The following GABBR2 variants were observed in gnomAD, a reference collection of about 807,000 sequenced individuals.
GABBR2 encodes the protein gamma-aminobutyric acid type B receptor subunit 2, also known as G-protein coupled receptor 51.
In GABBR2, 23 loss-of-function variants were observed where a neutral mutation model predicts 105.6. The observed-to-expected ratio is 0.22, with a 90% CI of 0.16 to 0.31. The LOEUF (loss-of-function observed/expected upper bound fraction) is 0.31, where lower values mean the gene tolerates loss of function less well. GABBR2 is among the 10% of genes least tolerant of loss of function. The pLI, the probability that GABBR2 is intolerant of heterozygous loss-of-function variation, is 1.00. For missense variants in GABBR2, 734 were observed against 1,245.5 expected (o/e 0.59, Z 6.18); for synonymous variants, 478 against 499.7 (o/e 0.96, Z 0.58).
At chr9:98,307,862 C>T (rs971336970) in intron 14 of GABBR2, among the ~76,000 whole-genome samples, 6 of 152,150 alleles carry the variant, frequency 3.9e-5, no homozygotes, top group Non-Finnish European at 5.9e-5. Flanking sequence ...GATTGTTTTC[C>T]TCTCCCTTGT....
Position 98,310,963 on chromosome 9 carries a change from C to A in GABBR2, c.2004+132G>T, listed in dbSNP as rs1830626227. The A allele has an allele frequency of 6.7e-6, 4 of 600,860 alleles. No individual in the cohort carries two copies. The East Asian group carries it at 8.4e-5, about 13-fold the overall frequency. 37.2% of individuals were successfully genotyped at this position (600,860 alleles called of 1,614,324 possible). A position where few individuals can be genotyped will look rare whatever the true frequency, so the allele number is the denominator to read the frequency against. ...AGGAACTGAGATAGCATGTGGCAGG[C>A]ACTGAGTCCACAGAGAGTAACTGCT... On this transcript the variant is annotated intron_variant, in intron 14 of 18. Transcript: ENST00000259455.
chr9:98,539,098 G>A (rs1178887360), intron 3 of GABBR2, among the ~76,000 whole-genome samples: 1 of 152,236 alleles, frequency 6.6e-6, no homozygotes, highest in African/African-American at 2.4e-5. Context: ...GGACCATGTA[G>A]CGAGGACACA....
At chr9:98,533,496 T>C (rs1828109214) in intron 3 of GABBR2, among the ~76,000 whole-genome samples, 1 of 152,132 alleles carries the variant, frequency 6.6e-6, no homozygotes, top group Non-Finnish European at 1.5e-5. Flanking sequence ...AAGAACTGCA[T>C]TTGTCCCTAA....
chr9:98,369,471 C>T (rs7858926), intron 12 of GABBR2, among the ~76,000 whole-genome samples: 1 of 152,050 alleles, frequency 6.6e-6, no homozygotes, highest in Non-Finnish European at 1.5e-5. Context: ...AGAATCACAG[C>T]TAAGGGGACA....
At chr9:98,392,443 T>C (rs967439364) in intron 9 of GABBR2, among the ~76,000 whole-genome samples, 3 of 152,214 alleles carry the variant, frequency 2.0e-5, no homozygotes, top group African/African-American at 7.2e-5. Flanking sequence ...GGTGTCACCC[T>C]TGAGGTAATA....
chr9:98,360,889 G>A (rs1481194071), intron 13 of GABBR2, among the ~76,000 whole-genome samples: 2 of 152,086 alleles, frequency 1.3e-5, no homozygotes, highest in Non-Finnish European at 2.9e-5. Flanking sequence ...GAATAGAGGC[G>A]GCAGCCATTC....
intron 13 of GABBR2, among the ~76,000 whole-genome samples, chr9:98,342,982 T>C (rs955291911): frequency 6.6e-6 from 1 of 152,196 alleles, no homozygotes; most frequent in Admixed American, 6.5e-5. Context: ...AGATAGAAGG[T>C]AAGAGTTGAA....
Position 98,306,315 on chromosome 9 carries a change from G to A in GABBR2, c.2035C>T (p.Arg679Cys). Reference protein sequence around the residue: ...LFGCFLAWETRNVSIPALNDS... With the variant: ...LFGCFLAWETCNVSIPALNDS... ...TTGAGTGCGGGGATGCTGACGTTGC[G>A]GGTCTCCCAAGCTAAGAAACAACCG... is the stretch of plus-strand genomic sequence containing the variant. The change falls in exon 15 of 19, where the codon CGC becomes TGC. Residue 679 changes from arginine to cysteine, a missense_variant. Around this residue, in one of 7 missense-constraint regions of GABBR2, gnomAD observed 91 missense variants for 185.9 expected, o/e 0.49. Coordinates refer to ENST00000259455, the MANE Select transcript of GABBR2 (RefSeq NM_005458.8). The surrounding 1 kb of genome is among the most constrained non-coding windows in gnomAD (Gnocchi z 5.4). 6.2e-7 allele frequency: 1 copy of A among 1,613,880 alleles called. No individual in the cohort carries two copies. The highest frequency in any genetic ancestry group is 8.5e-7 in the Non-Finnish European group (1 of 1,179,774).
chr9:98,424,057 T>C (rs2131559339), intron 7 of GABBR2, among the ~76,000 whole-genome samples: 1 of 152,322 alleles, frequency 6.6e-6, no homozygotes, highest in Admixed American at 6.5e-5. Context: ...GGTATCATGA[T>C]GAACATTGAT....
At chr9:98,662,258 G>C (rs1830274139) in intron 1 of GABBR2, among the ~76,000 whole-genome samples, 1 of 152,306 alleles carries the variant, frequency 6.6e-6, no homozygotes, top group South Asian at 2.1e-4. Context: ...GCATGCTGAA[G>C]CAGTGAAATT....
chr9:98,596,162 G>C (rs1409011723), intron 1 of GABBR2, among the ~76,000 whole-genome samples: 1 of 152,204 alleles, frequency 6.6e-6, no homozygotes, highest in Non-Finnish European at 1.5e-5. Flanking sequence ...GAAGGACCTT[G>C]GGCAAACTTT....
intron 4 of GABBR2, among the ~76,000 whole-genome samples, chr9:98,482,370 A>C (rs1826943814): frequency 6.6e-6 from 1 of 152,228 alleles, no homozygotes; most frequent in South Asian, 2.1e-4. Context: ...AAAGGACTTT[A>C]AAAGATCGTT....
chr9:98,606,993 T>C, intron 1 of GABBR2: 1 of 866,000 alleles, frequency 1.2e-6, no homozygotes, highest in Non-Finnish European at 2.0e-6. Context: ...CCCATGTCGC[T>C]CGGTAGCTCA....
chr9:98,571,137 G>A (rs1244374874), intron 2 of GABBR2, among the ~76,000 whole-genome samples: 1 of 152,198 alleles, frequency 6.6e-6, no homozygotes, highest in Non-Finnish European at 1.5e-5. Flanking sequence ...AGGCCATGGG[G>A]GGCTTTGCAA....
chr9:98,689,522 C>T (rs933138020), intron 1 of GABBR2, among the ~76,000 whole-genome samples: 2 of 152,172 alleles, frequency 1.3e-5, no homozygotes, highest in Non-Finnish European at 2.9e-5. Context: ...ATGCCTGTGC[C>T]TAGTGCATGT....
intron 12 of GABBR2, among the ~76,000 whole-genome samples, chr9:98,369,424 G>C (rs551737487): frequency 6.6e-6 from 1 of 152,156 alleles, no homozygotes; most frequent in East Asian, 1.9e-4. Context: ...GGCCTGAGGA[G>C]TGAGAGGTAT....
intron 3 of GABBR2, chr9:98,538,686 G>A (rs1019327657): frequency 1.8e-6 from 1 of 556,952 alleles, no homozygotes; most frequent in Non-Finnish European, 2.3e-6. Context: ...CACCCCCTCC[G>A]ACTTCAGGAT....
chr9:98,356,004 A>G (rs1831476753), intron 13 of GABBR2, among the ~76,000 whole-genome samples: 1 of 152,212 alleles, frequency 6.6e-6, no homozygotes. Flanking sequence ...ACTGGACAAC[A>G]CGCAAAAGGA....
In GABBR2 at chr9:98,472,435, A is replaced by G. The variant is rs139691021; in HGVS notation, c.999+711T>C. On this transcript the variant is annotated intron_variant, in intron 6 of 18. Coordinates refer to ENST00000259455, the MANE Select transcript of GABBR2 (RefSeq NM_005458.8). ...GCCCTGAGGCTGACACACCCTGTCC[A>G]AGGTCCTGCTCACAGTCGTGACAGC... Among the ~76,000 whole-genome samples the G allele has an allele frequency of 9.1e-4, 138 of 152,322 alleles. 3 individuals are homozygous for G. The East Asian group carries it at 0.019, about 21-fold the overall frequency.
Sources: gnomAD v4.1 joint callset for allele counts (sites outside exome capture counted in the v4.1 genomes callset) on GRCh38, gnomAD v4.1.1 for gene constraint, gnomAD v4.1.1 regional missense constraint, Gnocchi (gnomAD v3.1) non-coding constraint, MANE v1.5 for transcripts, NCBI Gene and HGNC (gene_info 2026-07-23, HGNC 2026-07-21) for gene names.